Variants in CFAP299 observed in about 807,000 individuals in gnomAD.
CFAP299 encodes the protein cilia- and flagella-associated protein 299.
CFAP299 carries 21 observed loss-of-function variants against 27.0 expected under a neutral mutation model. The observed-to-expected ratio is 0.78, with a 90% confidence interval of 0.55 to 1.12. The LOEUF (loss-of-function observed/expected upper bound fraction) is 1.12, where lower values mean the gene tolerates loss of function less well. Among genes scored for constraint, CFAP299 ranks in the 50% most tolerant of loss-of-function variants. The probability of loss-of-function intolerance (pLI) is 0.00; values close to 1 mark genes in which losing one functional copy is unlikely to be tolerated. For synonymous variants in CFAP299, 104 were observed against 98.1 expected, an observed-to-expected ratio of 1.06 and a Z score of -0.36; for missense variants, 310 against 276.6, an observed-to-expected ratio of 1.12 and a Z score of -0.86.
At chr4:80,447,072 G>A (rs1728650134) in intron 2 of CFAP299, among the ~76,000 whole-genome samples, 1 of 149,740 alleles carries the variant, frequency 6.7e-6, no homozygotes. Flanking sequence ...TCTCTTATGT[G>A]ATTAACAATG....
chr4:80,568,242 C>T (rs1735409846), intron 2 of CFAP299, among the ~76,000 whole-genome samples: 2 of 151,706 alleles, frequency 1.3e-5, no homozygotes, highest in South Asian at 4.2e-4. Context: ...TTTTATAATC[C>T]AGTCAGTTAC....
At chr4:80,640,389 C>T (rs573224728) in intron 3 of CFAP299, among the ~76,000 whole-genome samples, 2 of 152,264 alleles carry the variant, frequency 1.3e-5, no homozygotes, top group African/African-American at 4.8e-5. Flanking sequence ...ACCAGGCTTA[C>T]CCCTCTTTCC....
rs190839522 is a variant in CFAP299, at chr4:80,441,861, T to C, written c.242+78977T>C. ...GGCTTAAAATAAAGGGATGGAGGAA[T>C]ATTTACCAAGCAAATGGAAAACAAA... On this transcript the variant is annotated intron_variant, in intron 2 of 5. Coordinates refer to ENST00000358105, the MANE Select transcript of CFAP299 (RefSeq NM_152770.3). Among the ~76,000 whole-genome samples the C allele has an allele frequency of 3.8e-3, 573 of 152,222 alleles. 3 individuals carry two copies. Among genetic ancestry groups the C allele is most frequent in the African/African-American group, 0.013 (541 of 41,534 alleles).
chr4:80,788,906 C>T (rs1198042163), intron 3 of CFAP299, among the ~76,000 whole-genome samples: 2 of 151,998 alleles, frequency 1.3e-5, no homozygotes, highest in Non-Finnish European at 2.9e-5. Context: ...CTTTGGTTGT[C>T]ATTGGAATGA....
intron 3 of CFAP299, among the ~76,000 whole-genome samples, chr4:80,843,237 CA>C (rs1427880135): frequency 6.6e-6 from 1 of 152,000 alleles, no homozygotes; most frequent in Non-Finnish European, 1.5e-5. Context: ...CCCAGCCTGC[CA>C]CCCCACAACA....
rs149138836 is a variant in CFAP299, at chr4:80,431,115, C to T, written c.242+68231C>T. ...TAAGGTTTTCTTGGTTGCATTTACC[C>T]TGTCTAACATAGTACATATTGTACT... is the stretch of plus-strand genomic sequence containing the variant. On this transcript the variant is annotated intron_variant, in intron 2 of 5. Transcript: ENST00000358105. Among the ~76,000 whole-genome samples the T allele has an allele frequency of 3.4e-3, 525 of 152,300 alleles. 4 individuals carry two copies. In the East Asian group the frequency reaches 0.039, roughly 11 times the overall value.
intron 3 of CFAP299, among the ~76,000 whole-genome samples, chr4:80,810,613 G>A (rs758559465): frequency 6.6e-6 from 1 of 151,950 alleles, no homozygotes; most frequent in Non-Finnish European, 1.5e-5. Context: ...ACCAAGAATT[G>A]CCAGCAACCA....
chr4:80,500,923 A>G (rs1007856979), intron 2 of CFAP299, among the ~76,000 whole-genome samples: 1 of 152,108 alleles, frequency 6.6e-6, no homozygotes, highest in African/African-American at 2.4e-5. Context: ...GGATCTTGAA[A>G]GTGTTAAAAA....
intron 4 of CFAP299, among the ~76,000 whole-genome samples, chr4:80,901,375 C>A (rs550027215): frequency 1.3e-5 from 2 of 152,242 alleles, no homozygotes; most frequent in Non-Finnish European, 2.9e-5. Context: ...CTTCTTTGGG[C>A]AGATCATCCA....
intron 4 of CFAP299, among the ~76,000 whole-genome samples, chr4:80,944,163 T>C (rs1188226473): frequency 6.6e-6 from 1 of 152,072 alleles, no homozygotes; most frequent in Non-Finnish European, 1.5e-5. Flanking sequence ...CTTTGAAACA[T>C]ACAAATTTGG....
chr4:80,647,816 G>A (rs994187757), intron 3 of CFAP299, among the ~76,000 whole-genome samples: 1 of 152,228 alleles, frequency 6.6e-6, no homozygotes, highest in Non-Finnish European at 1.5e-5. Flanking sequence ...GCTCATGCCT[G>A]TACTCCCAGC....
In CFAP299 at chr4:80,937,312, C is replaced by CTTTTTTT. The variant is rs70956081; in HGVS notation, c.477-7482_477-7476dup. 4.8e-3 allele frequency among the ~76,000 whole-genome samples: 331 copies of CTTTTTTT among 68,630 alleles called. 34 individuals are homozygous for CTTTTTTT. Among genetic ancestry groups the CTTTTTTT allele is most frequent in the African/African-American group, 0.014 (221 of 15,248 alleles). The allele number at this position is 68,630 out of a possible 152,430, so 45.0% of individuals were successfully genotyped here. A position where few individuals can be genotyped will look rare whatever the true frequency, so the allele number is the denominator to read the frequency against. On this transcript the variant is annotated intron_variant, in intron 4 of 5. Transcript: ENST00000358105. Reference sequence around the variant, plus strand: ...TTTTCTTTTTTCTTTTTTTTTCTTTCTTTTTTTTTTTTTTTTTTTTTTGAG... The same window carrying CTTTTTTT: ...TTTTCTTTTTTCTTTTTTTTTCTTTCTTTTTTTTTTTTTTTTTTTTTTTTTTTTTGAG...
intron 3 of CFAP299, among the ~76,000 whole-genome samples, chr4:80,799,703 A>G (rs1332589793): frequency 5.5e-5 from 3 of 54,686 alleles, no homozygotes; most frequent in East Asian, 1.7e-3. Flanking sequence ...TATATAAAAT[A>G]TATATTTTAT....
intron 3 of CFAP299, among the ~76,000 whole-genome samples, chr4:80,738,116 G>T (rs1014381015): frequency 3.3e-5 from 5 of 152,022 alleles, no homozygotes; most frequent in Non-Finnish European, 5.9e-5. Flanking sequence ...TCAATTTTTT[G>T]AATGTTTTAA....
At chr4:80,562,337 C>T (rs1181656029) in intron 2 of CFAP299, among the ~76,000 whole-genome samples, 3 of 152,078 alleles carry the variant, frequency 2.0e-5, no homozygotes, top group African/African-American at 7.2e-5. Context: ...ATGGCTCAAG[C>T]TTGTAATCCC....
At chr4:80,614,422 C>T (rs1738166703) in intron 3 of CFAP299, among the ~76,000 whole-genome samples, 2 of 152,138 alleles carry the variant, frequency 1.3e-5, no homozygotes, top group East Asian at 1.9e-4. Context: ...AACTAAGGCA[C>T]TTCTATTGAA....
chr4:80,343,761 A>G (rs1053276237), intron 1 of CFAP299, among the ~76,000 whole-genome samples: 7 of 136,952 alleles, frequency 5.1e-5, no homozygotes, highest in Non-Finnish European at 7.6e-5. Flanking sequence ...TGCAGTCCGC[A>G]GTCCGGTCCG....
intron 2 of CFAP299, among the ~76,000 whole-genome samples, chr4:80,410,634 C>T (rs1374488619): frequency 6.6e-6 from 1 of 152,158 alleles, no homozygotes; most frequent in East Asian, 1.9e-4. Flanking sequence ...GCCTTTTTCT[C>T]TAAACTTTCT....
At chr4:80,933,658 G>T (rs972995557) in intron 4 of CFAP299, among the ~76,000 whole-genome samples, 1 of 151,424 alleles carries the variant, frequency 6.6e-6, no homozygotes, top group Non-Finnish European at 1.5e-5. Context: ...CACCTCCTTG[G>T]TTAATTTTAT....
Sources: allele counts gnomAD v4.1 joint callset (sites outside exome capture counted in the v4.1 genomes callset), GRCh38; gene constraint gnomAD v4.1.1; transcripts MANE v1.5; gene names NCBI Gene and HGNC (gene_info 2026-07-23, HGNC 2026-07-21).